ABCC1: variants seen among roughly 807,000 people sequenced by gnomAD.
The protein encoded by ABCC1 is ATP binding cassette subfamily C member 1 (ABCC1 blood group).
In ABCC1, 83 loss-of-function variants were observed where a neutral mutation model predicts 172.9. The observed-to-expected ratio is 0.48, with a 90% CI of 0.40 to 0.58. The LOEUF is 0.58. ABCC1 is among the 20% of genes least tolerant of loss of function. The pLI is 0.00. For missense variants in ABCC1, 1,817 were observed against 2,002.7 expected (o/e 0.91, Z 1.77); for synonymous variants, 937 against 825.2 (o/e 1.14, Z -2.32).
intron 11 of ABCC1, among the ~76,000 whole-genome samples, 172 bp from the exon 12 acceptor site, chr16:16,055,920 G>C (rs1488555681): frequency 6.6e-6 from 1 of 151,260 alleles, no homozygotes; most frequent in African/African-American, 2.4e-5. Context: ...AGACCAGCCT[G>C]GGCAGCATGG....
rs35587 is a variant in ABCC1, at chr16:16,045,857, T to G, written c.1062T>G (p.Asn354Lys). ...GCAGGTTGCTCATCAAGTTCGTGAA[T>G]GACACGAAGGCCCCAGACTGGCAGG... ...QILKLLIKFV[N>K]DTKAPDWQGY... Residue 354 changes from asparagine (N) to lysine (K), a missense_variant, in exon 9 of 31, where the codon AAT becomes AAG. By Grantham distance (94) the Asn-to-Lys change is moderately conservative. Around this residue, in one of 3 missense-constraint regions of ABCC1, gnomAD observed 1,412 missense variants for 1,600.3 expected, o/e 0.88. Transcript: ENST00000399410. 4 of 1,613,662 alleles carry G rather than the reference T, an allele frequency of 2.5e-6. No individual in the cohort carries two copies. In the African/African-American group the frequency reaches 5.3e-5, roughly 22 times the overall value.
intron 5 of ABCC1, among the ~76,000 whole-genome samples, chr16:16,017,393 G>C (rs951030699): frequency 2.6e-5 from 4 of 151,980 alleles, no homozygotes; most frequent in African/African-American, 9.7e-5. Flanking sequence ...ACCATGCCTG[G>C]CTAATTTTTT....
chr16:16,111,942 C>T (rs1037199343), intron 22 of ABCC1, among the ~76,000 whole-genome samples: 1 of 152,106 alleles, frequency 6.6e-6, no homozygotes, highest in Non-Finnish European at 1.5e-5. Context: ...CGGACTTTTG[C>T]CTGCTGAGTG....
At chr16:16,002,780 A>AAC (rs560202868) in intron 1 of ABCC1, among the ~76,000 whole-genome samples, 109 of 152,046 alleles carry the variant, frequency 7.2e-4, no homozygotes, top group African/African-American at 2.6e-3. Flanking sequence ...TCAAAAAAAA[A>AAC]AAAAAAAGTT....
chr16:16,057,207 A>G (rs564080710), intron 12 of ABCC1, among the ~76,000 whole-genome samples: 4 of 151,000 alleles, frequency 2.6e-5, no homozygotes, highest in African/African-American at 9.7e-5. Flanking sequence ...AAGAAAGAAA[A>G]AAAAAGCTGG....
intron 1 of ABCC1, among the ~76,000 whole-genome samples, chr16:15,970,605 T>G (rs1442852764): frequency 2.0e-5 from 3 of 151,714 alleles, no homozygotes. Context: ...AGTCAAAGAG[T>G]AGGGAAGAGA....
At chr16:16,060,014 T>C (rs1596443479) in intron 12 of ABCC1, among the ~76,000 whole-genome samples, 1 of 151,802 alleles carries the variant, frequency 6.6e-6, no homozygotes, top group South Asian at 2.1e-4. Context: ...ATAAAAAAAA[T>C]GAAATCAATG....
chr16:16,086,210 C>T (rs1001226623), intron 17 of ABCC1, among the ~76,000 whole-genome samples: 3 of 152,216 alleles, frequency 2.0e-5, no homozygotes, highest in Non-Finnish European at 4.4e-5. Flanking sequence ...ACTTGCTGTG[C>T]ACCACGTGCC....
At chr16:16,008,444 G>C (rs1397863782) in intron 2 of ABCC1, among the ~76,000 whole-genome samples, 2 of 151,844 alleles carry the variant, frequency 1.3e-5, no homozygotes, top group East Asian at 3.9e-4. Flanking sequence ...GCCTCAAGCA[G>C]TCCTCCTGCC....
At chr16:16,002,901 A>G (rs1460713408) in intron 1 of ABCC1, among the ~76,000 whole-genome samples, 1 of 152,220 alleles carries the variant, frequency 6.6e-6, no homozygotes, top group Non-Finnish European at 1.5e-5. Flanking sequence ...GAAGAATGTA[A>G]GATGTTAGCA....
intron 1 of ABCC1, among the ~76,000 whole-genome samples, chr16:15,966,753 C>G (rs985570995): frequency 2.6e-5 from 4 of 151,358 alleles, no homozygotes; most frequent in African/African-American, 4.9e-5. Flanking sequence ...TGGCCTCAAG[C>G]GATCTTCCTG....
At position 16,001,740 on chromosome 16, in the gene ABCC1, G is replaced by A. The variant is rs150049752; in HGVS notation, c.49-6076G>A. Among the ~76,000 whole-genome samples, 139 of 152,278 alleles carry A rather than the reference G, an allele frequency of 9.1e-4. 1 individual carries two copies. The highest frequency in any genetic ancestry group is 3.0e-3 in the Admixed American group (46 of 15,288). ...TTTTCACTTCAGATTGGCAGAGGTC[G>A]GAAACTTGTTATCTGCTGTGCTTTG... On this transcript the variant is annotated intron_variant, in intron 1 of 30. Coordinates refer to ENST00000399410, the MANE Select transcript of ABCC1 (RefSeq NM_004996.4).
chr16:16,083,306 G>C (rs2050876453), intron 16 of ABCC1, 60 bp from the exon 17 acceptor site: 2 of 1,550,862 alleles, frequency 1.3e-6, no homozygotes, highest in Non-Finnish European at 1.8e-6. Context: ...GCCAGCTGTT[G>C]TCTCGTTGAT....
At chr16:16,117,940 A>G (rs1200070590) in intron 23 of ABCC1, among the ~76,000 whole-genome samples, 3 of 151,918 alleles carry the variant, frequency 2.0e-5, no homozygotes, top group Non-Finnish European at 4.4e-5. Context: ...GGGAAAGGAG[A>G]AATTGTGTAG....
At chr16:16,061,710 A>T (rs919200508) in intron 12 of ABCC1, among the ~76,000 whole-genome samples, 12 of 150,620 alleles carry the variant, frequency 8.0e-5, no homozygotes, top group Admixed American at 6.6e-5. Context: ...CTTTACTTTT[A>T]TACAAGTGAT....
chr16:16,015,754 G>A (rs931135177), intron 4 of ABCC1, among the ~76,000 whole-genome samples: 3 of 152,176 alleles, frequency 2.0e-5, no homozygotes, highest in Non-Finnish European at 4.4e-5. Context: ...TAGACATTTA[G>A]GGGTGTCCCT....
At chr16:16,007,752 C>G (rs769936149) in intron 1 of ABCC1, 64 bp from the exon 2 acceptor site, 1 of 1,491,022 alleles carries the variant, frequency 6.7e-7, no homozygotes, top group Admixed American at 2.2e-5. Context: ...GTTTCATGCT[C>G]CAGGCGAGCT....
intron 1 of ABCC1, among the ~76,000 whole-genome samples, chr16:15,979,452 G>A (rs1420114073): frequency 6.6e-6 from 1 of 152,124 alleles, no homozygotes; most frequent in Non-Finnish European, 1.5e-5. Context: ...CACGTGTAAG[G>A]TGAAAATTGC....
At chr16:15,949,302 A>G (rs117190011), upstream of ABCC1, among the ~76,000 whole-genome samples, 291 of 152,162 alleles carry the variant, frequency 1.9e-3, 7 homozygotes, top group East Asian at 0.054. Flanking sequence ...GGTGACGGAT[A>G]CTGTCCTTAA....
Sources: gnomAD v4.1 joint callset for allele counts (sites outside exome capture counted in the v4.1 genomes callset) on GRCh38, gnomAD v4.1.1 for gene constraint, gnomAD v4.1.1 regional missense constraint, MANE v1.5 for transcripts, NCBI Gene and HGNC (gene_info 2026-07-23, HGNC 2026-07-21) for gene names.